Variants in PPARGC1A observed in about 807,000 individuals in gnomAD.
The protein encoded by PPARGC1A is PPARG coactivator 1 alpha.
In PPARGC1A, 25 loss-of-function variants were observed where a neutral mutation model predicts 88.7. The observed-to-expected ratio is 0.28, with a 90% CI of 0.21 to 0.39. PPARGC1A has a LOEUF of 0.39. PPARGC1A is among the 10% of genes least tolerant of loss of function. The pLI, the probability that PPARGC1A is intolerant of heterozygous loss-of-function variation, is 1.00. For synonymous variants in PPARGC1A, 363 were observed against 355.6 expected, an observed-to-expected ratio of 1.02 and a Z score of -0.24; for missense variants, 880 against 968.7, an observed-to-expected ratio of 0.91 and a Z score of 1.22.
At chr4:24,170,000 T>G in the PPARGC1A span, among the ~76,000 whole-genome samples, 1 of 152,260 alleles carries the variant, frequency 6.6e-6, no homozygotes, top group Non-Finnish European at 1.5e-5. Flanking sequence ...ATGTAAATAT[T>G]TGACAATGAA....
the PPARGC1A span, among the ~76,000 whole-genome samples, chr4:23,959,172 C>T: frequency 6.6e-6 from 1 of 152,034 alleles, no homozygotes. Flanking sequence ...CTATATTGAT[C>T]GAAGGGGCGG....
chr4:24,237,986 G>A, the PPARGC1A span, among the ~76,000 whole-genome samples: 6 of 152,180 alleles, frequency 3.9e-5, no homozygotes, highest in African/African-American at 1.4e-4. Flanking sequence ...AGATAGATAA[G>A]TGCTAATATA....
the PPARGC1A span, among the ~76,000 whole-genome samples, chr4:24,429,480 C>T: frequency 1.3e-5 from 2 of 152,156 alleles, no homozygotes; most frequent in Middle Eastern, 3.4e-3. Flanking sequence ...GGAAGCTTGA[C>T]ACCCACAGGG....
the PPARGC1A span, among the ~76,000 whole-genome samples, chr4:23,997,062 A>T: frequency 6.6e-6 from 1 of 152,304 alleles, no homozygotes; most frequent in South Asian, 2.1e-4. Flanking sequence ...TCATGGTAGT[A>T]TATGTGCCAT....
At chr4:24,233,645 A>C in the PPARGC1A span, among the ~76,000 whole-genome samples, 2 of 151,550 alleles carry the variant, frequency 1.3e-5, no homozygotes, top group African/African-American at 2.4e-5. Context: ...AGGTTTAGTA[A>C]ATACTCCCAT....
chr4:24,296,040 G>GTA, the PPARGC1A span, among the ~76,000 whole-genome samples: 15 of 136,266 alleles, frequency 1.1e-4, no homozygotes, highest in African/African-American at 2.4e-4. Context: ...GTATATATGT[G>GTA]TATGTGTGTA....
At chr4:24,366,567 A>C in the PPARGC1A span, among the ~76,000 whole-genome samples, 1 of 152,172 alleles carries the variant, frequency 6.6e-6, no homozygotes, top group African/African-American at 2.4e-5. Context: ...TTTCAAGAGA[A>C]TTGGGTGACA....
chr4:23,844,470 A>G (rs1478390033), intron 2 of PPARGC1A, among the ~76,000 whole-genome samples: 3 of 62,054 alleles, frequency 4.8e-5, no homozygotes, highest in Admixed American at 2.7e-4. Context: ...TATATATTCT[A>G]TATTAATATA....
the PPARGC1A span, among the ~76,000 whole-genome samples, chr4:23,910,341 T>A: frequency 3.8e-4 from 23 of 60,610 alleles, no homozygotes; most frequent in East Asian, 1.1e-3. Flanking sequence ...ATTATATATA[T>A]TATATATTAT....
At chr4:24,322,191 A>C in the PPARGC1A span, among the ~76,000 whole-genome samples, 1 of 152,216 alleles carries the variant, frequency 6.6e-6, no homozygotes, top group Admixed American at 6.5e-5. Flanking sequence ...TTTTGCCCAC[A>C]TACCAAATCT....
At chr4:23,956,346 T>C in the PPARGC1A span, among the ~76,000 whole-genome samples, 1 of 152,078 alleles carries the variant, frequency 6.6e-6, no homozygotes. Flanking sequence ...CCAGGTGACA[T>C]TGATGCTGCT....
the PPARGC1A span, among the ~76,000 whole-genome samples, chr4:23,926,829 C>T: frequency 6.6e-6 from 1 of 152,170 alleles, no homozygotes; most frequent in African/African-American, 2.4e-5. Flanking sequence ...ACTACTGCAC[C>T]CAGCACATTA....
At chr4:24,387,818 AAGAAAGAGAGAAAGAG>A in the PPARGC1A span, among the ~76,000 whole-genome samples, 9 of 81,098 alleles carry the variant, frequency 1.1e-4, no homozygotes, top group South Asian at 1.8e-3. Flanking sequence ...GAAAGAAAGA[AAGAAAGAGAGAAAGAG>A]AGAAAGAGAG....
chr4:23,910,394 TTA>T, the PPARGC1A span, among the ~76,000 whole-genome samples: 60 of 112,170 alleles, frequency 5.3e-4, no homozygotes, highest in African/African-American at 1.3e-3. Context: ...ATTATATATA[TTA>T]TATATATATT....
At chr4:24,076,003 G>A in the PPARGC1A span, among the ~76,000 whole-genome samples, 1 of 152,090 alleles carries the variant, frequency 6.6e-6, no homozygotes, top group Non-Finnish European at 1.5e-5. Flanking sequence ...TTCTCTGATA[G>A]TCTTACATCA....
chr4:24,194,764 A>T, the PPARGC1A span, among the ~76,000 whole-genome samples: 2 of 152,134 alleles, frequency 1.3e-5, no homozygotes. Context: ...TGCCTTTAAA[A>T]TGATTGTTTC....
At chr4:23,956,678 AG>A in the PPARGC1A span, among the ~76,000 whole-genome samples, 1 of 152,110 alleles carries the variant, frequency 6.6e-6, no homozygotes, top group East Asian at 1.9e-4. Context: ...TAATGACCTA[AG>A]AGTTCCTTCT....
chr4:24,343,749 CTTT>C, the PPARGC1A span, among the ~76,000 whole-genome samples: 4 of 146,938 alleles, frequency 2.7e-5, no homozygotes, highest in African/African-American at 1.0e-4. Context: ...TGGGGAAATG[CTTT>C]TTTTTTTTAA....
chr4:24,411,148 A>G, the PPARGC1A span, among the ~76,000 whole-genome samples: 19 of 152,284 alleles, frequency 1.2e-4, no homozygotes, highest in Middle Eastern at 6.8e-3. Flanking sequence ...TGAATCTCCA[A>G]GAGGTACCCA....
Sources: gnomAD v4.1 joint callset for allele counts (sites outside exome capture counted in the v4.1 genomes callset) on GRCh38, gnomAD v4.1.1 for gene constraint, MANE v1.5 for transcripts, NCBI Gene and HGNC (gene_info 2026-07-23, HGNC 2026-07-21) for gene names.